The following PKIB variants were observed in gnomAD, a reference collection of about 807,000 sequenced individuals.
The protein encoded by PKIB is cAMP-dependent protein kinase inhibitor beta, also known as PKI-beta.
Under a neutral mutation model 4.5 loss-of-function variants are expected in PKIB, and 2 were observed. That is an observed-to-expected ratio of 0.44 (90% CI 0.18 to 1.39). The LOEUF (loss-of-function observed/expected upper bound fraction) is 1.39, where lower values mean the gene tolerates loss of function less well. Ranked by LOEUF, PKIB falls within the 40% of genes most tolerant of loss-of-function variation. The pLI, the probability that PKIB is intolerant of heterozygous loss-of-function variation, is 0.27. For missense variants in PKIB, 94 were observed against 92.6 expected (o/e 1.02, Z -0.06); for synonymous variants, 38 against 36.0 (o/e 1.06, Z -0.20).
intron 2 of PKIB, among the ~76,000 whole-genome samples, chr6:122,656,007 C>T (rs921364040): frequency 9.9e-5 from 15 of 151,728 alleles, no homozygotes; most frequent in African/African-American, 3.6e-4. Context: ...TTTTTTTCTC[C>T]CCTTGATAAT....
intron 1 of PKIB, among the ~76,000 whole-genome samples, chr6:122,619,813 A>G (rs140504881): frequency 1.3e-5 from 2 of 152,166 alleles, no homozygotes; most frequent in African/African-American, 2.4e-5. Context: ...ACTTTGTTAT[A>G]TGTTTTGCTA....
intron 3 of PKIB, chr6:122,701,140 G>T: frequency 4.0e-6 from 1 of 249,844 alleles, no homozygotes; most frequent in Non-Finnish European, 7.7e-6. Context: ...AGCAGCTCAG[G>T]AAGCAGCAGC....
intron 1 of PKIB, among the ~76,000 whole-genome samples, chr6:122,474,908 A>G (rs1775414049): frequency 6.6e-6 from 1 of 152,258 alleles, no homozygotes; most frequent in Non-Finnish European, 1.5e-5. Context: ...AAAAATTTCA[A>G]TAATGGATTC....
chr6:122,477,987 A>C (rs1480924030), intron 2 of PKIB: 1 of 152,152 alleles, frequency 6.6e-6, no homozygotes, highest in Non-Finnish European at 1.5e-5. Context: ...TTCTAGTATT[A>C]AGGTCTTCAT....
At chr6:122,500,873 T>G (rs1776210985) in intron 2 of PKIB, among the ~76,000 whole-genome samples, 1 of 152,072 alleles carries the variant, frequency 6.6e-6, no homozygotes, top group Non-Finnish European at 1.5e-5. Flanking sequence ...ACAGTCTTCA[T>G]ATAGTAGAGC....
chr6:122,571,703 C>A (rs1033166129), intron 2 of PKIB, among the ~76,000 whole-genome samples: 16 of 152,158 alleles, frequency 1.1e-4, no homozygotes, highest in Admixed American at 9.2e-4. Flanking sequence ...TTTCCACTAC[C>A]AAACCAGCAC....
At chr6:122,724,745 A>G (rs1779887910) in intron 4 of PKIB, among the ~76,000 whole-genome samples, 1 of 152,132 alleles carries the variant, frequency 6.6e-6, no homozygotes, top group Admixed American at 6.6e-5. Context: ...GGAGAGTGCA[A>G]TCCTGCATAG....
intron 2 of PKIB, among the ~76,000 whole-genome samples, chr6:122,572,055 C>T (rs1050676506): frequency 1.3e-4 from 20 of 151,826 alleles, no homozygotes; most frequent in African/African-American, 2.7e-4. Flanking sequence ...AGGTATTCCA[C>T]GCAAATGGAA....
chr6:122,638,676 C>T (rs1776019253), intron 2 of PKIB, among the ~76,000 whole-genome samples: 1 of 152,232 alleles, frequency 6.6e-6, no homozygotes, highest in Non-Finnish European at 1.5e-5. Context: ...AGCACTTCAA[C>T]TCTTTTTATC....
chr6:122,667,337 A>G (rs1039544724), intron 2 of PKIB, among the ~76,000 whole-genome samples: 3 of 152,144 alleles, frequency 2.0e-5, no homozygotes, highest in Non-Finnish European at 1.5e-5. Context: ...GGAGATCGAG[A>G]CCATCCTGGC....
intron 2 of PKIB, among the ~76,000 whole-genome samples, chr6:122,580,667 A>G (rs1285028894): frequency 6.6e-6 from 1 of 152,064 alleles, no homozygotes; most frequent in East Asian, 1.9e-4. Flanking sequence ...TATATGCACT[A>G]TACACTACAA....
At chr6:122,504,925 A>C (rs906015517) in intron 2 of PKIB, among the ~76,000 whole-genome samples, 1 of 152,108 alleles carries the variant, frequency 6.6e-6, no homozygotes, top group East Asian at 1.9e-4. Flanking sequence ...ACAGGTTAAG[A>C]GTTCTTAAAG....
intron 2 of PKIB, among the ~76,000 whole-genome samples, chr6:122,558,962 C>G (rs965844533): frequency 6.6e-6 from 1 of 152,190 alleles, no homozygotes; most frequent in African/African-American, 2.4e-5. Flanking sequence ...TTTGCGCCCT[C>G]ACAGCTTAGC....
intron 2 of PKIB, among the ~76,000 whole-genome samples, chr6:122,518,602 G>A (rs1182525417): frequency 6.6e-6 from 1 of 151,884 alleles, no homozygotes; most frequent in African/African-American, 2.4e-5. Flanking sequence ...TTCCAAGCAG[G>A]AGGTAAAGCA....
At chr6:122,544,641 T>C (rs980238207) in intron 2 of PKIB, among the ~76,000 whole-genome samples, 2 of 151,976 alleles carry the variant, frequency 1.3e-5, no homozygotes, top group African/African-American at 2.4e-5. Flanking sequence ...TAAAAAATTA[T>C]CTGAATGGAC....
intron 3 of PKIB, among the ~76,000 whole-genome samples, chr6:122,704,270 A>G (rs772638919): frequency 1.3e-5 from 2 of 152,132 alleles, no homozygotes; most frequent in Non-Finnish European, 2.9e-5. Flanking sequence ...TATGCAGTCC[A>G]CTGATTCAGA....
intron 2 of PKIB, among the ~76,000 whole-genome samples, chr6:122,573,256 G>T (rs1562256041): frequency 3.3e-5 from 5 of 152,012 alleles, no homozygotes; most frequent in Admixed American, 1.3e-4. Flanking sequence ...ACATCCAAAA[G>T]ATAATACATC....
chr6:122,594,919 C>G (rs974430972), intron 3 of PKIB, among the ~76,000 whole-genome samples: 21 of 152,240 alleles, frequency 1.4e-4, no homozygotes, highest in African/African-American at 4.6e-4. Flanking sequence ...TCACAGCAGC[C>G]AACACTGTAG....
intron 3 of PKIB, among the ~76,000 whole-genome samples, chr6:122,602,340 A>G (rs1774395383): frequency 6.6e-6 from 1 of 152,210 alleles, no homozygotes; most frequent in Non-Finnish European, 1.5e-5. Context: ...TGAAAAAGAT[A>G]CAGAAAGGAG....
Sources: gnomAD v4.1 joint callset for allele counts (sites outside exome capture counted in the v4.1 genomes callset) on GRCh38, gnomAD v4.1.1 for gene constraint, MANE v1.5 for transcripts, NCBI Gene and HGNC (gene_info 2026-07-23, HGNC 2026-07-21) for gene names.